Variants in ATXN3 observed in about 807,000 individuals in gnomAD.
ATXN3 encodes the protein ataxin-3.
A neutral mutation model predicts 58.2 loss-of-function variants in ATXN3; 28 were observed. The observed-to-expected ratio is 0.48, with a 90% CI of 0.36 to 0.66. The LOEUF is 0.66. Ranked by LOEUF, ATXN3 falls within the 30% of genes least tolerant of loss-of-function variation. The probability of loss-of-function intolerance (pLI) is 0.00; values close to 1 mark genes in which losing one functional copy is unlikely to be tolerated. For synonymous variants in ATXN3, 113 were observed against 138.5 expected, an observed-to-expected ratio of 0.82 and a Z score of 1.29; for missense variants, 321 against 422.1, an observed-to-expected ratio of 0.76 and a Z score of 2.10.
chr14:92,058,015 G>A (rs1360641099), downstream of ATXN3, among the ~76,000 whole-genome samples: 5 of 152,090 alleles, frequency 3.3e-5, no homozygotes, highest in African/African-American at 4.8e-5. Context: ...TGGGCCAGTT[G>A]AACAAACATT....
At chr14:92,090,612 C>G (rs867143465) in intron 5 of ATXN3, 1 of 151,978 alleles carries the variant, frequency 6.6e-6, no homozygotes, top group African/African-American at 2.4e-5. Flanking sequence ...TAGTTTTAAA[C>G]AAAAATATAA....
At chr14:92,072,437 T>G (rs1305596979) in intron 9 of ATXN3, among the ~76,000 whole-genome samples, 1 of 152,182 alleles carries the variant, frequency 6.6e-6, no homozygotes, top group African/African-American at 2.4e-5. Context: ...AGAAACTTTT[T>G]GAGCACCAAC....
intron 9 of ATXN3, 176 bp downstream of exon 9, chr14:92,080,789 G>T: frequency 1.6e-6 from 1 of 609,382 alleles, no homozygotes; most frequent in South Asian, 1.5e-5. Context: ...GCCCGCCTTG[G>T]CCTCCCAAAC....
chr14:92,086,253 CAAAAAAA>C (rs869147623), intron 6 of ATXN3, among the ~76,000 whole-genome samples: 1 of 94,944 alleles, frequency 1.1e-5, no homozygotes, highest in Non-Finnish European at 2.0e-5. Flanking sequence ...ACTAAAAATA[CAAAAAAA>C]AAAAAAAAAA....
Position 92,064,052 on chromosome 14 carries a change from C to G in ATXN3, c.*268G>C, listed in dbSNP as rs1052018506. The G allele has an allele frequency of 1.8e-5, 4 of 220,682 alleles. No homozygotes were observed. Among genetic ancestry groups the G allele is most frequent in the Non-Finnish European group, 1.8e-5 (2 of 112,054 alleles). The allele number at this position is 220,682 out of a possible 1,614,324, so 13.7% of individuals were successfully genotyped here. ...AAATGCCCTAACTTTAGACATGTTACATATTGCACACTCAAAAAAGAAAAA... is the reference window on the plus strand; with the variant it reads ...AAATGCCCTAACTTTAGACATGTTAGATATTGCACACTCAAAAAAGAAAAA... On this transcript the variant is annotated 3_prime_UTR_variant, in exon 11 of 11. Coordinates refer to ENST00000644486, the MANE Select transcript of ATXN3 (RefSeq NM_004993.6).
chr14:92,093,951 T>G (rs111272463), intron 3 of ATXN3, 120 bp from the exon 4 acceptor site: 357 of 530,798 alleles, frequency 6.7e-4, no homozygotes, highest in Non-Finnish European at 9.0e-4. Context: ...TAGGTTTTTT[T>G]TTTTTTTTTT....
At chr14:92,086,389 C>A (rs2062540630) in intron 6 of ATXN3, among the ~76,000 whole-genome samples, 1 of 151,722 alleles carries the variant, frequency 6.6e-6, no homozygotes, top group Non-Finnish European at 1.5e-5. Flanking sequence ...ATGGAGAAAC[C>A]CCTTCCATCT....
At chr14:92,076,889 G>A (rs1227361153) in intron 9 of ATXN3, among the ~76,000 whole-genome samples, 5 of 140,698 alleles carry the variant, frequency 3.6e-5, no homozygotes, top group Non-Finnish European at 6.0e-5. Context: ...GCAGTGAGCC[G>A]AGATCATGCC....
intron 1 of ATXN3, among the ~76,000 whole-genome samples, chr14:92,097,660 C>T (rs1022967698): frequency 6.6e-6 from 1 of 151,558 alleles, no homozygotes; most frequent in African/African-American, 2.4e-5. Flanking sequence ...CAAGTAGCTG[C>T]GACTACAGGT....
intron 1 of ATXN3, among the ~76,000 whole-genome samples, chr14:92,102,622 T>G (rs765647583): frequency 1.3e-5 from 2 of 152,208 alleles, no homozygotes; most frequent in African/African-American, 4.8e-5. Flanking sequence ...GCCCTTACTA[T>G]GAGGTTCAGC....
At chr14:92,097,780 C>T (rs2141185729) in intron 1 of ATXN3, among the ~76,000 whole-genome samples, 1 of 152,220 alleles carries the variant, frequency 6.6e-6, no homozygotes, top group South Asian at 2.1e-4. Flanking sequence ...CCACCTTGGC[C>T]TCCCTAAGTT....
At chr14:92,093,480 A>G (rs954158710) in intron 4 of ATXN3, 162 bp from the exon 5 acceptor site, 2 of 622,654 alleles carry the variant, frequency 3.2e-6, no homozygotes, top group African/African-American at 3.7e-5. Flanking sequence ...ACGTCTCTGC[A>G]GCAGCTTAGT....
rs577233454 is a variant in ATXN3 at position 92,046,495 on chromosome 14, T to C, written n.276+1401A>G. 2.6e-5 allele frequency among the ~76,000 whole-genome samples: 4 copies of C among 152,334 alleles called. No individual in the cohort carries two copies. In the East Asian group the frequency reaches 7.7e-4, roughly 29 times the overall value. On this transcript the variant is annotated intron_variant and non_coding_transcript_variant, in intron 2 of 2. Coordinates refer to the ATXN3 transcript ENST00000564606. ...GTTTGGACAGAAAGGCTACAGGGCA[T>C]GGTCCTGGCTCTTGTGTAAGAATTC...
At chr14:92,071,163 G>A in intron 9 of ATXN3, 110 bp from the exon 10 acceptor site, 1 of 1,445,902 alleles carries the variant, frequency 6.9e-7, no homozygotes, top group East Asian at 2.5e-5. Context: ...AATCAAAGTA[G>A]TCACTGGTAT....
chr14:92,072,460 A>G (rs1476360289), intron 9 of ATXN3, among the ~76,000 whole-genome samples: 1 of 152,212 alleles, frequency 6.6e-6, no homozygotes, highest in African/African-American at 2.4e-5. Flanking sequence ...GATACTCAAA[A>G]GAGGTGCTCA....
chr14:92,066,614 T>G (rs1277656669), intron 10 of ATXN3, among the ~76,000 whole-genome samples: 3 of 145,070 alleles, frequency 2.1e-5, no homozygotes, highest in South Asian at 2.2e-4. Flanking sequence ...TTTTTTTTTT[T>G]TTTTTTTTTT....
chr14:92,089,700 A>T (rs940395220), intron 5 of ATXN3, among the ~76,000 whole-genome samples: 4 of 152,214 alleles, frequency 2.6e-5, no homozygotes, highest in Admixed American at 6.5e-5. Flanking sequence ...ACCCTCCCAA[A>T]AGAATAAAAA....
rs142986250 is a variant in ATXN3 at position 92,062,868 on chromosome 14, T to A, written c.*1452A>T. 4 of 152,766 alleles carry A rather than the reference T, an allele frequency of 2.6e-5. No homozygotes were observed. The highest frequency in any genetic ancestry group is 2.6e-4 in the Admixed American group (4 of 15,294). The allele number at this position is 152,766 out of a possible 1,614,324, so 9.5% of individuals were successfully genotyped here. A position where few individuals can be genotyped will look rare whatever the true frequency, so the allele number is the denominator to read the frequency against. On this transcript the variant is annotated 3_prime_UTR_variant, in exon 11 of 11. Coordinates refer to ENST00000644486, the MANE Select transcript of ATXN3 (RefSeq NM_004993.6). Reference sequence around the variant, plus strand: ...GCAGCCACACACCAGGAGGGCAATATACCATATTATAATTTTCGAAGTTGT... The same window carrying A: ...GCAGCCACACACCAGGAGGGCAATAAACCATATTATAATTTTCGAAGTTGT...
At chr14:92,085,600 C>T (rs886838193) in intron 6 of ATXN3, among the ~76,000 whole-genome samples, 4 of 152,024 alleles carry the variant, frequency 2.6e-5, no homozygotes, top group African/African-American at 7.3e-5. Flanking sequence ...GCTGCTCTGT[C>T]GGTATAATAT....
Sources: gnomAD v4.1 joint callset for allele counts (sites outside exome capture counted in the v4.1 genomes callset) on GRCh38, gnomAD v4.1.1 for gene constraint, MANE v1.5 for transcripts, NCBI Gene and HGNC (gene_info 2026-07-23, HGNC 2026-07-21) for gene names.